ADGRL3: variants seen among roughly 807,000 people sequenced by gnomAD.
ADGRL3 encodes the protein calcium-independent alpha-latrotoxin receptor 3.
Under a neutral mutation model 153.5 loss-of-function variants are expected in ADGRL3, and 62 were observed. That is an observed-to-expected ratio of 0.40 (90% CI 0.33 to 0.50). The LOEUF is 0.50. ADGRL3 is among the 20% of genes least tolerant of loss of function. The pLI, the probability that ADGRL3 is intolerant of heterozygous loss-of-function variation, is 0.47. For missense variants in ADGRL3, 1,641 were observed against 1,859.4 expected, an observed-to-expected ratio of 0.88 and a Z score of 2.16; for synonymous variants, 710 against 672.5, an observed-to-expected ratio of 1.06 and a Z score of -0.86.
intron 5 of ADGRL3, among the ~76,000 whole-genome samples, chr4:61,652,097 G>T (rs1182230354): frequency 1.3e-5 from 2 of 152,028 alleles, no homozygotes; most frequent in Non-Finnish European, 1.5e-5. Context: ...CCCTCTAAAA[G>T]AACTGGAAAA....
intron 2 of ADGRL3, among the ~76,000 whole-genome samples, chr4:61,416,193 A>C (rs1189345065): frequency 1.3e-5 from 2 of 152,138 alleles, no homozygotes; most frequent in African/African-American, 4.8e-5. Flanking sequence ...AAATTATTTC[A>C]GCATATTTTT....
Position 61,610,780 on chromosome 4 carries a change from G to T in ADGRL3, c.473+23340G>T, listed in dbSNP as rs534331401. Among the ~76,000 whole-genome samples, 231 of 114,020 alleles carry T rather than the reference G, an allele frequency of 2.0e-3. 5 individuals are homozygous for T. Among genetic ancestry groups the T allele is most frequent in the East Asian group, 5.3e-4 (2 of 3,800 alleles). The allele number at this position is 114,020 out of a possible 152,430, so 74.8% of individuals were successfully genotyped here. ...GTGGCAAACAGAACCTTACATTAATGCATTGGAAAAGGAAATCTTTTTTTT... is the reference window on the plus strand; with the variant it reads ...GTGGCAAACAGAACCTTACATTAATTCATTGGAAAAGGAAATCTTTTTTTT... On this transcript the variant is annotated intron_variant, in intron 5 of 26. Transcript: ENST00000683033.
At chr4:61,916,888 G>A (rs541572948) in intron 13 of ADGRL3, among the ~76,000 whole-genome samples, 4 of 152,152 alleles carry the variant, frequency 2.6e-5, no homozygotes, top group African/African-American at 9.6e-5. Flanking sequence ...GGGAGGTGGA[G>A]GTTGCAGTGA....
At chr4:61,449,741 T>C (rs1475298953) in intron 2 of ADGRL3, among the ~76,000 whole-genome samples, 3 of 152,206 alleles carry the variant, frequency 2.0e-5, no homozygotes, top group South Asian at 4.1e-4. Context: ...TTAGGTAAAG[T>C]TGTTTTGGTT....
chr4:61,938,176 A>G (rs1198401528), intron 15 of ADGRL3, among the ~76,000 whole-genome samples: 2 of 152,212 alleles, frequency 1.3e-5, no homozygotes, highest in Non-Finnish European at 2.9e-5. Context: ...AAATGACACC[A>G]TCCCAGAAGT....
At chr4:61,901,440 A>T (rs1245168384) in intron 11 of ADGRL3, among the ~76,000 whole-genome samples, 1 of 152,152 alleles carries the variant, frequency 6.6e-6, no homozygotes, top group Non-Finnish European at 1.5e-5. Flanking sequence ...TAAATTCCCC[A>T]TTTTATCTTC....
intron 13 of ADGRL3, chr4:61,933,929 G>A (rs2098828054): frequency 6.6e-6 from 1 of 152,102 alleles, no homozygotes; most frequent in African/African-American, 2.4e-5. Flanking sequence ...TAATGAATTG[G>A]GTTCAGGGAT....
At chr4:61,426,331 T>G (rs1399914855) in intron 2 of ADGRL3, among the ~76,000 whole-genome samples, 1 of 152,194 alleles carries the variant, frequency 6.6e-6, no homozygotes, top group African/African-American at 2.4e-5. Flanking sequence ...CTGACTACTT[T>G]GTCCACACCT....
chr4:61,775,599 CTTG>C, intron 8 of ADGRL3: 1 of 1,095,402 alleles, frequency 9.1e-7, no homozygotes. Flanking sequence ...CCCCTAGTTT[CTTG>C]TTGTCATCAA....
At chr4:61,957,549 G>GTATTTATT (rs58620707) in intron 17 of ADGRL3, among the ~76,000 whole-genome samples, 25,581 of 144,304 alleles carry the variant, frequency 0.18, 2,600 homozygotes, top group Admixed American at 0.25. Flanking sequence ...TTACATTTAT[G>GTATTTATT]TATTTATTTA....
chr4:61,351,209 G>A (rs1001763138), intron 1 of ADGRL3, among the ~76,000 whole-genome samples: 12 of 152,338 alleles, frequency 7.9e-5, no homozygotes, highest in African/African-American at 2.9e-4. Context: ...GCCTAATCCA[G>A]GGGAAGGCCC....
intron 5 of ADGRL3, among the ~76,000 whole-genome samples, chr4:61,635,471 G>T (rs758646432): frequency 2.0e-5 from 3 of 152,102 alleles, no homozygotes; most frequent in Non-Finnish European, 1.5e-5. Flanking sequence ...GCCCTATACC[G>T]TTGGGACAGG....
chr4:61,424,464 C>T (rs182630871), intron 2 of ADGRL3, among the ~76,000 whole-genome samples: 15 of 152,234 alleles, frequency 9.9e-5, no homozygotes, highest in East Asian at 5.8e-4. Context: ...ATCCCTGTTA[C>T]GCTCCCCATG....
At chr4:61,968,983 G>A (rs115101394) in intron 17 of ADGRL3, among the ~76,000 whole-genome samples, 18 of 152,152 alleles carry the variant, frequency 1.2e-4, no homozygotes, top group African/African-American at 3.6e-4. Flanking sequence ...TCAAAATACC[G>A]AAGAGCTAGA....
At chr4:61,508,683 G>C (rs1395482054) in intron 3 of ADGRL3, among the ~76,000 whole-genome samples, 1 of 152,112 alleles carries the variant, frequency 6.6e-6, no homozygotes, top group Non-Finnish European at 1.5e-5. Flanking sequence ...CTGTCACCCA[G>C]GGTAATGAGC....
chr4:62,013,551 A>G (rs2099196898), intron 21 of ADGRL3, among the ~76,000 whole-genome samples: 1 of 150,546 alleles, frequency 6.6e-6, no homozygotes, highest in Non-Finnish European at 1.5e-5. Flanking sequence ...TCAAAAAAAA[A>G]AGAAAGAAAG....
chr4:61,424,934 TG>T (rs2097258458), intron 2 of ADGRL3, among the ~76,000 whole-genome samples: 1 of 152,212 alleles, frequency 6.6e-6, no homozygotes, highest in East Asian at 1.9e-4. Flanking sequence ...CTAGGCAATG[TG>T]GGAAGCACAG....
chr4:61,968,601 T>C (rs2099015313), intron 17 of ADGRL3, among the ~76,000 whole-genome samples: 1 of 152,162 alleles, frequency 6.6e-6, no homozygotes, highest in African/African-American at 2.4e-5. Flanking sequence ...GCACATATCT[T>C]CTCCCATTTC....
intron 2 of ADGRL3, among the ~76,000 whole-genome samples, chr4:61,415,787 T>C (rs2097138243): frequency 6.6e-6 from 1 of 152,098 alleles, no homozygotes; most frequent in East Asian, 1.9e-4. Context: ...ATAGCATATA[T>C]TGTCAGCTTT....
Sources: gnomAD v4.1 joint callset for allele counts (sites outside exome capture counted in the v4.1 genomes callset) on GRCh38, gnomAD v4.1.1 for gene constraint, MANE v1.5 for transcripts, NCBI Gene and HGNC (gene_info 2026-07-23, HGNC 2026-07-21) for gene names.